Variants in AKT2 observed in about 807,000 individuals in gnomAD.
AKT2 encodes the protein AKT serine/threonine kinase 2.
A neutral mutation model predicts 58.6 loss-of-function variants in AKT2; 16 were observed. That is an observed-to-expected ratio of 0.27 (90% CI 0.18 to 0.41). The LOEUF (loss-of-function observed/expected upper bound fraction) is 0.41, where lower values mean the gene tolerates loss of function less well. Among genes scored for constraint, AKT2 ranks in the 10% least tolerant of loss-of-function variants. AKT2 has a pLI of 1.00. For missense variants in AKT2, 438 were observed against 661.0 expected, an observed-to-expected ratio of 0.66 and a Z score of 3.70; for synonymous variants, 253 against 254.0, an observed-to-expected ratio of 1.00 and a Z score of 0.04.
intron 6 of AKT2, 126 bp from the exon 7 acceptor site, chr19:40,240,236 G>T: frequency 9.5e-7 from 1 of 1,054,634 alleles, no homozygotes; most frequent in Non-Finnish European, 1.5e-6. Flanking sequence ...GAAAATCACA[G>T]GAGTGAAAAG....
chr19:40,244,990 A>T (rs534008049), intron 4 of AKT2, among the ~76,000 whole-genome samples: 24 of 152,258 alleles, frequency 1.6e-4, no homozygotes, highest in Non-Finnish European at 2.8e-4. Flanking sequence ...GCTGGAATGC[A>T]GATTAATCTC....
At position 40,234,802 on chromosome 19, in the gene AKT2, G is replaced by T. The variant is rs980202536; in HGVS notation, c.1366+243C>A. On this transcript the variant is annotated intron_variant, in intron 13 of 13. Transcript: ENST00000392038. The surrounding 1 kb of genome is among the most constrained non-coding windows in gnomAD (Gnocchi z 4.7). ...GTGAACCCAGCCAGGCTCAGGGACC[G>T]GGCTGCCTCCTGCCCTGAGCCCCCC... 4.8e-6 allele frequency: 3 copies of T among 621,706 alleles called. No homozygotes were observed. In the East Asian group the frequency reaches 8.2e-5, roughly 17 times the overall value. The allele number at this position is 621,706 out of a possible 1,614,324, so 38.5% of individuals were successfully genotyped here. A position where few individuals can be genotyped will look rare whatever the true frequency, so the allele number is the denominator to read the frequency against.
Position 40,240,091 on chromosome 19 carries a change from A to T in AKT2, c.593T>A (p.Val198Asp). The change falls in exon 7 of 14, where the codon GTC becomes GAC. Residue 198 changes from valine (V) to aspartate (D), a missense_variant. Val to Asp is a radical substitution (Grantham distance 152). Coordinates refer to ENST00000392038, the MANE Select transcript of AKT2 (RefSeq NM_001626.6). The part of the protein sequence containing the change: ...IIAKDEVAHT[V>D]TESRVLQNTR... Reference sequence around the variant, plus strand: ...GTTCTGGAGGACCCGGCTCTCGGTGACTGTGTGAGCGACTTCATCCTGCAG... The same window carrying T: ...GTTCTGGAGGACCCGGCTCTCGGTGTCTGTGTGAGCGACTTCATCCTGCAG... The T allele has an allele frequency of 6.2e-7, 1 of 1,613,958 alleles. No homozygotes were observed.
At chr19:40,259,100 T>C (rs967206611) in intron 2 of AKT2, among the ~76,000 whole-genome samples, 4 of 152,132 alleles carry the variant, frequency 2.6e-5, no homozygotes, top group Non-Finnish European at 4.4e-5. Flanking sequence ...TAAACCCAAA[T>C]ATCTACATTC....
rs538503803 is a variant in AKT2 at position 40,234,306 on chromosome 19, G to A, written c.1367-355C>T. The A allele has an allele frequency of 9.3e-6, 3 of 322,376 alleles. No homozygotes were observed. The highest frequency in any genetic ancestry group is 6.9e-5 in the South Asian group (1 of 14,554). 20.0% of individuals were successfully genotyped at this position (322,376 alleles called of 1,614,324 possible). On this transcript the variant is annotated intron_variant, in intron 13 of 13. Transcript: ENST00000392038. This position sits in a 1 kb window ranked among gnomAD's most constrained non-coding sequence, Gnocchi z 4.7. The stretch of plus-strand genomic sequence containing the variant: ...CCATCCATTCTCCACGGGCAGCCAG[G>A]GGGGCTTTCTAAAGGCCTGCTTTAA...
chr19:40,258,256 A>AC (rs959009593), intron 2 of AKT2, among the ~76,000 whole-genome samples: 6 of 150,932 alleles, frequency 4.0e-5, no homozygotes, highest in South Asian at 2.1e-4. Context: ...AAAAAAAAAA[A>AC]AAAAAAACAA....
At chr19:40,255,355 G>A (rs1975464116) in intron 3 of AKT2, 86 bp from the exon 4 acceptor site, 1 of 1,064,024 alleles carries the variant, frequency 9.4e-7, no homozygotes, top group Non-Finnish European at 1.5e-6. Flanking sequence ...ACCTCCCACA[G>A]GCCTAGCCCC....
chr19:40,280,957 GGCAAGTACACT>G (rs1351371225), intron 1 of AKT2: 1 of 152,324 alleles, frequency 6.6e-6, no homozygotes, highest in African/African-American at 2.4e-5. Context: ...TAGGGACTTT[GGCAAGTACACT>G]GCTGTATTCC....
Position 40,237,774 on chromosome 19 carries a change from G to A in AKT2, c.831+195C>T. On this transcript the variant is annotated intron_variant, in intron 9 of 13. Coordinates refer to ENST00000392038, the MANE Select transcript of AKT2 (RefSeq NM_001626.6). The surrounding 1 kb of genome is among the most constrained non-coding windows in gnomAD (Gnocchi z 4.5). ...CACAGAGCCACCACCCTGGACCTTG[G>A]TGGGGAGCCTGGTGAATGAGGGCAG... is the stretch of plus-strand genomic sequence containing the variant. 4.0e-6 allele frequency: 3 copies of A among 756,812 alleles called. No individual in the cohort carries two copies. Among genetic ancestry groups the A allele is most frequent in the East Asian group, 6.0e-5 (2 of 33,462 alleles). The allele number at this position is 756,812 out of a possible 1,614,324, so 46.9% of individuals were successfully genotyped here. A position where few individuals can be genotyped will look rare whatever the true frequency, so the allele number is the denominator to read the frequency against.
intron 1 of AKT2, 129 bp from the exon 2 acceptor site, chr19:40,265,480 G>T: frequency 7.7e-7 from 1 of 1,296,116 alleles, no homozygotes; most frequent in Non-Finnish European, 1.0e-6. Context: ...CAGCAAGGGT[G>T]GCGTGGAGCC....
At position 40,242,087 on chromosome 19, in the gene AKT2, A is replaced by G. The variant is rs759101417; in HGVS notation, c.442-18T>C. 3.7e-6 allele frequency: 6 copies of G among 1,613,948 alleles called. No homozygotes were observed. Among genetic ancestry groups the G allele is most frequent in the Admixed American group, 1.7e-5 (1 of 60,008 alleles). On this transcript the variant is annotated intron_variant, in intron 5 of 13. Transcript: ENST00000392038. The surrounding 1 kb of genome is among the most constrained non-coding windows in gnomAD (Gnocchi z 4.3). ...TTCATGGTCTGCCAGGGACAGGGAG[A>G]GTGGGGGCAGTCAGCGCCTGGCTCA...
chr19:40,250,658 T>A (rs1044026692), intron 4 of AKT2, among the ~76,000 whole-genome samples: 2 of 151,880 alleles, frequency 1.3e-5, no homozygotes, highest in South Asian at 4.1e-4. Flanking sequence ...TGAAACCCCA[T>A]CTCTACAAAA....
intron 6 of AKT2, chr19:40,241,420 G>A (rs1974397058): frequency 4.6e-6 from 1 of 215,288 alleles, no homozygotes; most frequent in East Asian, 1.2e-4. Context: ...GAACAAGAGG[G>A]ACAGGCAGAG....
At chr19:40,282,008 G>T (rs751476557) in intron 1 of AKT2, among the ~76,000 whole-genome samples, 1 of 152,178 alleles carries the variant, frequency 6.6e-6, no homozygotes, top group Non-Finnish European at 1.5e-5. Flanking sequence ...GCCATGGAGT[G>T]GCACGGCTGG....
Position 40,256,953 on chromosome 19 carries a change from G to T in AKT2, c.148C>A (p.Pro50Thr), listed in dbSNP as rs184042322. 5.4e-4 allele frequency: 871 copies of T among 1,614,172 alleles called. 5 individuals are homozygous for T. Among genetic ancestry groups the T allele is most frequent in the Non-Finnish European group, 4.8e-5 (57 of 1,180,014 alleles). ...GCTACGGAGAAGTTGTTTAAGGGGG[G>T]TAGAGTCTGATCAGGGGCCTCGGGC... ...ERPEAPDQTL[P>T]PLNNFSVAEC... Residue 50 changes from proline to threonine, a missense_variant, in exon 3 of 14, where the codon CCC (proline) becomes ACC (threonine). Physicochemically the swap from Pro to Thr is conservative, Grantham distance 38. Transcript: ENST00000392038.
Position 40,242,198 on chromosome 19 carries a change from A to G in AKT2, c.442-129T>C. ...ACGGCTTAGGCTGGAGCAGGAAGGG[A>G]GGCTCTGGGCAGCAACTGTGTGTTC... On this transcript the variant is annotated intron_variant, in intron 5 of 13. Coordinates refer to ENST00000392038, the MANE Select transcript of AKT2 (RefSeq NM_001626.6). This position sits in a 1 kb window ranked among gnomAD's most constrained non-coding sequence, Gnocchi z 4.3. The G allele has an allele frequency of 7.3e-7, 1 of 1,364,074 alleles. No individual in the cohort carries two copies. The highest frequency in any genetic ancestry group is 1.9e-5 in the Admixed American group (1 of 53,172). 84.5% of individuals were successfully genotyped at this position (1,364,074 alleles called of 1,614,324 possible).
chr19:40,246,667 CAG>C (rs995928169), intron 4 of AKT2, among the ~76,000 whole-genome samples: 3 of 152,220 alleles, frequency 2.0e-5, no homozygotes, highest in African/African-American at 7.2e-5. Flanking sequence ...TTTTCAAAGA[CAG>C]GGGTGGAGAG....
chr19:40,239,606 A>G, intron 7 of AKT2: 2 of 357,126 alleles, frequency 5.6e-6, no homozygotes, highest in East Asian at 1.4e-4. Context: ...ACTGGTGGCC[A>G]CTGGCCTTGA....
At chr19:40,245,271 G>A (rs1243525517) in intron 4 of AKT2, among the ~76,000 whole-genome samples, 1 of 152,166 alleles carries the variant, frequency 6.6e-6, no homozygotes, top group Non-Finnish European at 1.5e-5. Context: ...GGGCAAGGTA[G>A]CTCACTCATG....
Sources: gnomAD v4.1 joint callset for allele counts (sites outside exome capture counted in the v4.1 genomes callset) on GRCh38, gnomAD v4.1.1 for gene constraint, Gnocchi (gnomAD v3.1) non-coding constraint, MANE v1.5 for transcripts, NCBI Gene and HGNC (gene_info 2026-07-23, HGNC 2026-07-21) for gene names.